ATP10B: variants seen among roughly 807,000 people sequenced by gnomAD.
The protein encoded by ATP10B is ATPase phospholipid transporting 10B (putative).
A neutral mutation model predicts 141.2 loss-of-function variants in ATP10B; 122 were observed. That is an observed-to-expected ratio of 0.86 (90% CI 0.75 to 1.00). ATP10B has a LOEUF of 1.00. ATP10B is among the 50% of genes least tolerant of loss of function. The probability of loss-of-function intolerance (pLI) is 0.00; values close to 1 mark genes in which losing one functional copy is unlikely to be tolerated. For synonymous variants in ATP10B, 685 were observed against 692.0 expected (o/e 0.99, Z 0.16); for missense variants, 1,876 against 1,825.3 (o/e 1.03, Z -0.51).
Position 160,670,547 on chromosome 5 carries a change from A to G in ATP10B, c.591T>C (p.Asn197=), listed in dbSNP as rs748919536. 1.9e-6 allele frequency: 3 copies of G among 1,613,964 alleles called. No homozygotes were observed. The highest frequency in any genetic ancestry group is 1.7e-4 in the Middle Eastern group (1 of 6,060). The change falls in exon 7 of 26, where the codon AAT becomes AAC. Residue 197 remains asparagine (N), a synonymous_variant. Coordinates refer to ENST00000327245, the MANE Select transcript of ATP10B (RefSeq NM_025153.3). The part of the protein sequence containing the change: ...DILLLFSSDP[N]GICHLETASL... ...TGGCAGTTTCCAGATGGCATATCCC[A>G]TTGGGGTCAGAGGAAAAAAGGAGGA...
At chr5:160,659,315 A>G (rs1415868111) in intron 7 of ATP10B, among the ~76,000 whole-genome samples, 2 of 152,006 alleles carry the variant, frequency 1.3e-5, no homozygotes, top group Middle Eastern at 3.2e-3. Flanking sequence ...AATACAAAAA[A>G]TTAGCCGGGT....
chr5:160,721,051 G>GTA (rs1436457451), intron 2 of ATP10B, among the ~76,000 whole-genome samples: 2 of 152,222 alleles, frequency 1.3e-5, no homozygotes, highest in African/African-American at 4.8e-5. Flanking sequence ...GTGTGTGTGT[G>GTA]TAAATATTTA....
At chr5:160,766,383 C>CAG (rs1769429630) in intron 2 of ATP10B, among the ~76,000 whole-genome samples, 2 of 130,660 alleles carry the variant, frequency 1.5e-5, no homozygotes, top group African/African-American at 2.9e-5. Flanking sequence ...CACACACACA[C>CAG]AGACACTCAC....
chr5:160,685,128 T>A (rs1763669832), intron 6 of ATP10B: 6 of 701,222 alleles, frequency 8.6e-6, no homozygotes, highest in Non-Finnish European at 1.6e-5. Flanking sequence ...TGGGGTTCTC[T>A]TTGTGAGACC....
At chr5:160,817,195 A>T (rs1773702519) in intron 1 of ATP10B, among the ~76,000 whole-genome samples, 1 of 152,190 alleles carries the variant, frequency 6.6e-6, no homozygotes, top group Non-Finnish European at 1.5e-5. Context: ...TACAATTAGG[A>T]AAAGAGGAAG....
At chr5:160,771,202 T>C (rs1254682091) in intron 2 of ATP10B, among the ~76,000 whole-genome samples, 1 of 152,220 alleles carries the variant, frequency 6.6e-6, no homozygotes, top group African/African-American at 2.4e-5. Flanking sequence ...ATCCTTAAAC[T>C]CTCATATCAG....
At position 160,670,634 on chromosome 5, in the gene ATP10B, C is replaced by T. The variant is rs745537738; in HGVS notation, c.504G>A (p.Lys168=). The T allele has an allele frequency of 1.9e-6, 3 of 1,613,774 alleles. No homozygotes were observed. Among genetic ancestry groups the T allele is most frequent in the Admixed American group, 1.7e-5 (1 of 60,012 alleles). ...GGATGAAGTCTCCCACGCGCACATC[C>T]TTCCAGCACTTCTGCACATAGGTCT... The part of the protein sequence containing the change: ...KEQTYVQKCW[K]DVRVGDFIQM... Residue 168 remains lysine, a synonymous_variant, in exon 7 of 26, where the codon AAG becomes AAA. Transcript: ENST00000327245.
chr5:160,839,919 T>G (rs962835033), intron 1 of ATP10B, among the ~76,000 whole-genome samples: 1 of 152,036 alleles, frequency 6.6e-6, no homozygotes, highest in African/African-American at 2.4e-5. Context: ...CATTATAGAA[T>G]GAAGCTATAA....
In ATP10B at chr5:160,565,292, C is replaced by A. The variant is rs1450661188; in HGVS notation, c.*161G>T. 5.6e-6 allele frequency: 4 copies of A among 718,194 alleles called. No individual in the cohort carries two copies. The Admixed American group carries it at 1.2e-4, about 21-fold the overall frequency. 44.5% of individuals were successfully genotyped at this position (718,194 alleles called of 1,614,324 possible). A position where few individuals can be genotyped will look rare whatever the true frequency, so the allele number is the denominator to read the frequency against. ...CCGACTGGGTTTCCCGTCTTTGTGT[C>A]AGACCCCTTGGGGCCAGCACTTCCT... On this transcript the variant is annotated 3_prime_UTR_variant, in exon 26 of 26. Transcript: ENST00000327245.
chr5:160,918,449 A>C, the ATP10B span, among the ~76,000 whole-genome samples: 1 of 152,312 alleles, frequency 6.6e-6, no homozygotes, highest in South Asian at 2.1e-4. Context: ...GAGCATCTGA[A>C]TGGAGAGAAC....
intron 1 of ATP10B, among the ~76,000 whole-genome samples, chr5:160,835,710 T>G (rs1775382977): frequency 1.3e-5 from 2 of 152,164 alleles, no homozygotes; most frequent in African/African-American, 4.8e-5. Context: ...CATGTTTGTA[T>G]AATGTCTAGG....
At chr5:160,603,766 A>G (rs571248934) in intron 20 of ATP10B, 199 bp downstream of exon 20, 1 of 536,938 alleles carries the variant, frequency 1.9e-6, no homozygotes, top group East Asian at 2.8e-5. Flanking sequence ...TGCTTCTTCC[A>G]AGCTGAATTT....
At chr5:160,901,663 T>TA in the ATP10B span, among the ~76,000 whole-genome samples, 1 of 152,168 alleles carries the variant, frequency 6.6e-6, no homozygotes, top group Non-Finnish European at 1.5e-5. Context: ...GGAAAGGCCT[T>TA]ACAGATAACA....
chr5:160,812,055 A>G (rs867552039), intron 1 of ATP10B, among the ~76,000 whole-genome samples: 36 of 124,108 alleles, frequency 2.9e-4, no homozygotes, highest in African/African-American at 4.0e-4. Flanking sequence ...AGAGAGAGAG[A>G]GAGAGGGAGA....
At chr5:160,824,468 G>A (rs969548682) in intron 1 of ATP10B, among the ~76,000 whole-genome samples, 1 of 152,186 alleles carries the variant, frequency 6.6e-6, no homozygotes, top group Non-Finnish European at 1.5e-5. Context: ...TGTCTTCTTT[G>A]AATACAGTCA....
At chr5:160,867,241 A>G in the ATP10B span, among the ~76,000 whole-genome samples, 4 of 151,990 alleles carry the variant, frequency 2.6e-5, no homozygotes, top group African/African-American at 9.7e-5. Flanking sequence ...TACAGAGCTT[A>G]AAAATGGTGG....
chr5:160,640,637 C>G (rs777566235), intron 9 of ATP10B, 45 bp from the exon 10 acceptor site: 1 of 1,609,398 alleles, frequency 6.2e-7, no homozygotes, highest in East Asian at 2.2e-5. Context: ...TCCTGTTTGC[C>G]TATGTCTTAC....
the ATP10B span, among the ~76,000 whole-genome samples, chr5:160,921,781 T>C: frequency 1.3e-5 from 2 of 152,360 alleles, no homozygotes; most frequent in East Asian, 1.9e-4. Context: ...GGACATTCCC[T>C]TGGCCCTCTG....
chr5:160,575,754 A>G (rs753610903), intron 24 of ATP10B, among the ~76,000 whole-genome samples: 15 of 152,242 alleles, frequency 9.9e-5, no homozygotes, highest in Admixed American at 3.3e-4. Flanking sequence ...CATTTATTTA[A>G]CAGATAGTTA....
Sources: allele counts gnomAD v4.1 joint callset (sites outside exome capture counted in the v4.1 genomes callset), GRCh38; gene constraint gnomAD v4.1.1; transcripts MANE v1.5; gene names NCBI Gene and HGNC (gene_info 2026-07-23, HGNC 2026-07-21).